Variants in PLPPR1 observed in about 807,000 individuals in gnomAD.
PLPPR1 encodes phospholipid phosphatase-related protein type 1.
Under a neutral mutation model 33.1 loss-of-function variants are expected in PLPPR1, and 10 were observed. The observed-to-expected ratio is 0.30, with a 90% confidence interval of 0.19 to 0.51. The LOEUF (loss-of-function observed/expected upper bound fraction) is 0.51, where lower values mean the gene tolerates loss of function less well. PLPPR1 is among the 20% of genes least tolerant of loss of function. PLPPR1 has a pLI of 0.97. For missense variants in PLPPR1, 304 were observed against 408.1 expected, an observed-to-expected ratio of 0.74 and a Z score of 2.20; for synonymous variants, 151 against 151.0, an observed-to-expected ratio of 1.00 and a Z score of 0.00.
At chr9:101,041,167 A>G (rs1398589963) in intron 1 of PLPPR1, among the ~76,000 whole-genome samples, 1 of 152,210 alleles carries the variant, frequency 6.6e-6, no homozygotes, top group East Asian at 1.9e-4. Flanking sequence ...TAGTTGGGGC[A>G]TATGCCAGAG....
intron 2 of PLPPR1, among the ~76,000 whole-genome samples, chr9:101,220,937 C>G (rs936925586): frequency 6.6e-6 from 1 of 152,128 alleles, no homozygotes; most frequent in African/African-American, 2.4e-5. Context: ...GAACGATAAT[C>G]CCAGAAGATG....
chr9:101,150,605 C>G, intron 1 of PLPPR1, among the ~76,000 whole-genome samples: 1 of 152,162 alleles, frequency 6.6e-6, no homozygotes, highest in East Asian at 1.9e-4. Flanking sequence ...ACTCAAAAAT[C>G]TGGTGTGGTT....
At position 101,184,707 on chromosome 9, in the gene PLPPR1, A is replaced by G. The variant is rs1213747792; in HGVS notation, c.-45-743A>G. Among the ~76,000 whole-genome samples the G allele has an allele frequency of 4.7e-5, 7 of 150,272 alleles. No individual in the cohort carries two copies. The Admixed American group carries it at 4.7e-4, about 10-fold the overall frequency. The stretch of plus-strand genomic sequence containing the variant: ...CAAAACTAACTAATCTCCTAATACA[A>G]TTATATTTTCAGTTCAAGGCAGGGA... On this transcript the variant is annotated intron_variant, in intron 1 of 7. Transcript: ENST00000374874.
chr9:101,084,867 C>T (rs1830659427), intron 1 of PLPPR1, among the ~76,000 whole-genome samples: 2 of 152,122 alleles, frequency 1.3e-5, no homozygotes, highest in Non-Finnish European at 2.9e-5. Context: ...CTGAGTCTGG[C>T]CAGAGAATGC....
intron 2 of PLPPR1, among the ~76,000 whole-genome samples, chr9:101,192,519 TG>T (rs1304652209): frequency 6.6e-6 from 1 of 152,084 alleles, no homozygotes; most frequent in Non-Finnish European, 1.5e-5. Context: ...GACTTCCTTA[TG>T]GGAACTTCAA....
chr9:101,158,124 T>C (rs566454908), intron 1 of PLPPR1, among the ~76,000 whole-genome samples: 17 of 152,208 alleles, frequency 1.1e-4, no homozygotes, highest in South Asian at 8.3e-4. Context: ...AAAGTGTTAG[T>C]TGGGTTTGGC....
intron 1 of PLPPR1, among the ~76,000 whole-genome samples, chr9:101,162,105 TA>T (rs35736417): frequency 0.6 from 87,011 of 146,024 alleles, 27,013 homozygotes; most frequent in Non-Finnish European, 0.71. Flanking sequence ...CCACAATTGT[TA>T]AAAAAAAAAA....
chr9:101,246,083 T>TAGATAGATAGATAGATAG (rs1175011707), intron 2 of PLPPR1, among the ~76,000 whole-genome samples: 1 of 96,992 alleles, frequency 1.0e-5, no homozygotes, highest in African/African-American at 3.3e-5. Context: ...TATATATATA[T>TAGATAGATAGATAGATAG]ATATATATAT....
intron 2 of PLPPR1, among the ~76,000 whole-genome samples, chr9:101,240,672 C>T (rs928755201): frequency 3.9e-5 from 6 of 152,160 alleles, no homozygotes; most frequent in South Asian, 2.1e-4. Flanking sequence ...ATCCAACCTC[C>T]CTTCTTAGCC....
chr9:101,292,633 C>T (rs892045549), intron 4 of PLPPR1, among the ~76,000 whole-genome samples: 11 of 52,256 alleles, frequency 2.1e-4, no homozygotes, highest in Admixed American at 8.9e-4. Context: ...TTGGGCGGGG[C>T]GGGGGGGGCC....
intron 1 of PLPPR1, among the ~76,000 whole-genome samples, chr9:101,120,066 T>C (rs191383078): frequency 3.6e-4 from 55 of 152,338 alleles, no homozygotes; most frequent in Non-Finnish European, 6.0e-4. Context: ...CTAAAACAGG[T>C]CTTGGGATTC....
chr9:101,042,123 TACA>T (rs1482349076), intron 1 of PLPPR1, among the ~76,000 whole-genome samples: 1 of 152,278 alleles, frequency 6.6e-6, no homozygotes, highest in Non-Finnish European at 1.5e-5. Flanking sequence ...TGCCTGACAT[TACA>T]ACAAGTTTAA....
intron 2 of PLPPR1, among the ~76,000 whole-genome samples, chr9:101,223,170 A>AAG (rs1564181793): frequency 9.9e-6 from 1 of 100,648 alleles, no homozygotes; most frequent in South Asian, 3.6e-4. Context: ...AAAAAAAAAA[A>AAG]AAGAAAAGAA....
chr9:101,307,203 G>A (rs62576948), intron 4 of PLPPR1, among the ~76,000 whole-genome samples: 3,415 of 152,288 alleles, frequency 0.022, 69 homozygotes, highest in Non-Finnish European at 0.034. Flanking sequence ...ATGGTGTGGA[G>A]AGCTGGCCAC....
At chr9:101,243,568 T>A (rs1431931025) in intron 2 of PLPPR1, among the ~76,000 whole-genome samples, 1 of 152,016 alleles carries the variant, frequency 6.6e-6, no homozygotes, top group Non-Finnish European at 1.5e-5. Flanking sequence ...AGTTGTCTAA[T>A]TTTCAGAGAA....
At position 101,185,708 on chromosome 9, in the gene PLPPR1, A is replaced by C. The variant is rs1030288348; in HGVS notation, c.63+151A>C. ...TGGTAAAGATTAATAAACTATGCAA[A>C]GTGTTTCTTAAATAGGAAGTCATAG... is the stretch of plus-strand genomic sequence containing the variant. On this transcript the variant is annotated intron_variant, in intron 2 of 7. Coordinates refer to ENST00000374874, the MANE Select transcript of PLPPR1 (RefSeq NM_207299.2). The C allele has an allele frequency of 9.0e-6, 5 of 554,790 alleles. No homozygotes were observed. The African/African-American group carries it at 9.8e-5, about 11-fold the overall frequency. 34.4% of individuals were successfully genotyped at this position (554,790 alleles called of 1,614,324 possible).
chr9:101,276,614 G>GA lies in PLPPR1; in HGVS notation c.252+6549dup, dbSNP rs555077187. ...ACTTCAATGCATTTTACTTTTTACT[G>GA]AAAGTAGTATTTTAGCTAACTCATT... On this transcript the variant is annotated intron_variant, in intron 3 of 7. Coordinates refer to ENST00000374874, the MANE Select transcript of PLPPR1 (RefSeq NM_207299.2). 3.9e-5 allele frequency among the ~76,000 whole-genome samples: 6 copies of GA among 152,100 alleles called. No individual in the cohort carries two copies. The South Asian group carries it at 1.2e-3, about 32-fold the overall frequency.
chr9:101,154,382 T>G (rs970422785), intron 1 of PLPPR1, among the ~76,000 whole-genome samples: 1 of 152,210 alleles, frequency 6.6e-6, no homozygotes, highest in Non-Finnish European at 1.5e-5. Context: ...TTGTCTCAAT[T>G]TCAGACCTGT....
In PLPPR1 at chr9:101,071,605, G is replaced by GGAGAGAGAGA. The variant is rs3080736; in HGVS notation, c.-46+42516_-46+42525dup. On this transcript the variant is annotated intron_variant, in intron 1 of 7. Transcript: ENST00000374874. ...CATGTGAGAGCAATGGGAGTGAGAA[G>GGAGAGAGAGA]GAGAGAGAGAGAGAGAGAGAGACAG... Among the ~76,000 whole-genome samples the GGAGAGAGAGA allele has an allele frequency of 5.5e-3, 819 of 149,102 alleles. 1 individual carries two copies. Among genetic ancestry groups the GGAGAGAGAGA allele is most frequent in the Middle Eastern group, 0.01 (3 of 288 alleles).
Sources: gnomAD v4.1 joint callset for allele counts (sites outside exome capture counted in the v4.1 genomes callset) on GRCh38, gnomAD v4.1.1 for gene constraint, MANE v1.5 for transcripts, NCBI Gene and HGNC (gene_info 2026-07-23, HGNC 2026-07-21) for gene names.